The following BNC1 variants were observed in gnomAD, a reference collection of about 807,000 sequenced individuals.
The protein encoded by BNC1 is basonuclin zinc finger protein 1.
In BNC1, 8 loss-of-function variants were observed where a neutral mutation model predicts 66.5. The ratio of observed to expected loss-of-function variants is 0.12; its 90% CI spans 0.07 to 0.22. BNC1 has a LOEUF of 0.22. Ranked by LOEUF, BNC1 falls within the 10% of genes least tolerant of loss-of-function variation. The pLI, the probability that BNC1 is intolerant of heterozygous loss-of-function variation, is 1.00. For missense variants in BNC1, 1,069 were observed against 1,241.3 expected (o/e 0.86, Z 2.09); for synonymous variants, 454 against 452.6 (o/e 1.00, Z -0.04).
In BNC1 at chr15:83,281,603, C is replaced by A. The variant is rs577426146; in HGVS notation, c.99+2927G>T. On this transcript the variant is annotated intron_variant, in intron 1 of 4. Transcript: ENST00000345382. ...CTGTAAGTAATTTACCCTGTGGAAC[C>A]TTCAGGGCATCCCTTTTAATGGCCA... is the stretch of plus-strand genomic sequence containing the variant. 5.9e-5 allele frequency among the ~76,000 whole-genome samples: 9 copies of A among 152,346 alleles called. No homozygotes were observed. The East Asian group carries it at 1.7e-3, about 29-fold the overall frequency.
rs2038087569 is a variant in BNC1 at position 83,257,478 on chromosome 15, G to A, written c.2949C>T (p.His983=). Residue 983 remains histidine, a synonymous_variant, in exon 5 of 5, where the codon CAC becomes CAT. Coordinates refer to ENST00000345382, the MANE Select transcript of BNC1 (RefSeq NM_001717.4). ...RNRHSQNPNL[H]KSLASSPSHL... ...GACTTGGAGATGAGGCCAGGCTTTTGTGCAGGTTGGGATTCTGGCTGTGTC... is the reference window on the plus strand; with the variant it reads ...GACTTGGAGATGAGGCCAGGCTTTTATGCAGGTTGGGATTCTGGCTGTGTC... 1 of 1,614,026 alleles carries A rather than the reference G, an allele frequency of 6.2e-7. No individual in the cohort carries two copies. Among genetic ancestry groups the A allele is most frequent in the Non-Finnish European group, 8.5e-7 (1 of 1,180,010 alleles).
intron 1 of BNC1, among the ~76,000 whole-genome samples, chr15:83,276,491 CCA>C (rs950257009): frequency 6.6e-6 from 1 of 152,196 alleles, no homozygotes; most frequent in East Asian, 1.9e-4. Flanking sequence ...TCTTTTTCCC[CCA>C]GTTATCTTTT....
rs1230765578 is a variant in BNC1, at chr15:83,257,922, C to G, written c.2505G>C (p.Thr835=). Residue 835 remains threonine, a synonymous_variant, in exon 5 of 5, where the codon ACG becomes ACC. Coordinates refer to ENST00000345382, the MANE Select transcript of BNC1 (RefSeq NM_001717.4). ...SRMGSLVYPI[T]QVHSASLESY... ...TCTCCAGGCTGGCACTGTGGACTTG[C>G]GTTATTGGGTAAACCAGACTGCCCA... is the stretch of plus-strand genomic sequence containing the variant. 1.2e-6 allele frequency: 2 copies of G among 1,614,016 alleles called. No individual in the cohort carries two copies. Among genetic ancestry groups the G allele is most frequent in the Middle Eastern group, 1.6e-4 (1 of 6,084 alleles).
chr15:83,263,270 C>A lies in BNC1; in HGVS notation c.1981G>T (p.Gly661Trp). ...DGGHEHYFTP[G>W]MEPQVPFSDY... ...GAAAAAGGAACTTGGGGTTCCATCC[C>A]AGGTGTGAAGTAGTGTTCATGGCCA... The change falls in exon 4 of 5, where the codon GGG becomes TGG. Residue 661 changes from glycine (G) to tryptophan (W), a missense_variant. Coordinates refer to ENST00000345382, the MANE Select transcript of BNC1 (RefSeq NM_001717.4). 6.2e-7 allele frequency: 1 copy of A among 1,614,204 alleles called. No homozygotes were observed. Among genetic ancestry groups the A allele is most frequent in the Non-Finnish European group, 8.5e-7 (1 of 1,180,028 alleles).
chr15:83,270,505 G>GT (rs893342507), intron 1 of BNC1, among the ~76,000 whole-genome samples: 4 of 152,186 alleles, frequency 2.6e-5, no homozygotes, highest in African/African-American at 7.2e-5. Context: ...GTTATTGTCT[G>GT]TTTTTTTCAT....
rs1361270924 is a variant in BNC1 at position 83,263,904 on chromosome 15, G to A, written c.1347C>T (p.Asp449=). 6.2e-7 allele frequency: 1 copy of A among 1,614,104 alleles called. No homozygotes were observed. Among genetic ancestry groups the A allele is most frequent in the Admixed American group, 1.7e-5 (1 of 60,004 alleles). The change falls in exon 4 of 5, where the codon GAC becomes GAT. Residue 449 remains aspartate, a synonymous_variant. Transcript: ENST00000345382. Reference sequence around the variant, plus strand: ...CAGGGTAGCTGGGAGGAGGCCTACAGTCTGGGGACGTCACTGTGAAACCTG... The same window carrying A: ...CAGGGTAGCTGGGAGGAGGCCTACAATCTGGGGACGTCACTGTGAAACCTG... ...KCPGFTVTSP[D]CRPPPSYPGS...
intron 1 of BNC1, among the ~76,000 whole-genome samples, chr15:83,279,463 A>G (rs547854389): frequency 1.3e-5 from 2 of 152,316 alleles, no homozygotes; most frequent in South Asian, 4.1e-4. Context: ...GAGGCCAGAG[A>G]GGGCTTCCTC....
intron 4 of BNC1, among the ~76,000 whole-genome samples, chr15:83,260,199 CA>C (rs1240452383): frequency 6.6e-6 from 1 of 152,150 alleles, no homozygotes; most frequent in Non-Finnish European, 1.5e-5. Context: ...TGCAACAGAG[CA>C]TATGCAGAAG....
intron 1 of BNC1, among the ~76,000 whole-genome samples, chr15:83,277,656 T>G (rs972185270): frequency 6.6e-6 from 1 of 152,158 alleles, no homozygotes; most frequent in Non-Finnish European, 1.5e-5. Context: ...AGATAATTGT[T>G]GCTAACGTGC....
At chr15:83,267,344 G>GT (rs1344876792) in intron 2 of BNC1, among the ~76,000 whole-genome samples, 2 of 152,158 alleles carry the variant, frequency 1.3e-5, no homozygotes, top group East Asian at 1.9e-4. Context: ...AGGAAAAGGG[G>GT]TAAAAACTGA....
chr15:83,284,407 G>C, intron 1 of BNC1, 123 bp downstream of exon 1: 1 of 561,966 alleles, frequency 1.8e-6, no homozygotes, highest in South Asian at 6.9e-5. Flanking sequence ...TGCCGCGCAG[G>C]TAGCCAGCTG....
At position 83,280,405 on chromosome 15, in the gene BNC1, A is replaced by C. The variant is rs1224847304; in HGVS notation, c.99+4125T>G. On this transcript the variant is annotated intron_variant, in intron 1 of 4. Transcript: ENST00000345382. ...CAGAGCAAAACACTTACACTTTAGC[A>C]TAATTTTACCTAAGTTACATAAGCA... 5.3e-5 allele frequency among the ~76,000 whole-genome samples: 8 copies of C among 152,362 alleles called. No homozygotes were observed. The East Asian group carries it at 1.5e-3, about 29-fold the overall frequency.
intron 1 of BNC1, among the ~76,000 whole-genome samples, chr15:83,268,746 G>T (rs1265336683): frequency 6.6e-6 from 1 of 152,220 alleles, no homozygotes; most frequent in Non-Finnish European, 1.5e-5. Flanking sequence ...ACTACACTGA[G>T]GATGATTCCC....
At position 83,257,207 on chromosome 15, in the gene BNC1, C is replaced by T. The variant is rs2038083025; in HGVS notation, c.*235G>A. The T allele has an allele frequency of 1.8e-6, 1 of 566,682 alleles. No homozygotes were observed. The highest frequency in any genetic ancestry group is 1.9e-5 in the African/African-American group (1 of 52,992). 35.1% of individuals were successfully genotyped at this position (566,682 alleles called of 1,614,324 possible). A position where few individuals can be genotyped will look rare whatever the true frequency, so the allele number is the denominator to read the frequency against. On this transcript the variant is annotated 3_prime_UTR_variant, in exon 5 of 5. Transcript: ENST00000345382. ...GAAAAATCACATTTCTGCAAGTTTT[C>T]CTTGTATCAGTGAAAGACCTCTTGG...
intron 1 of BNC1, among the ~76,000 whole-genome samples, chr15:83,277,793 T>C (rs1157081835): frequency 6.6e-6 from 1 of 152,162 alleles, no homozygotes; most frequent in African/African-American, 2.4e-5. Flanking sequence ...TCTTACTCTT[T>C]CTGTGGCTGC....
chr15:83,259,600 A>G (rs1366205420), intron 4 of BNC1, among the ~76,000 whole-genome samples: 1 of 152,164 alleles, frequency 6.6e-6, no homozygotes, highest in Non-Finnish European at 1.5e-5. Flanking sequence ...AGGGGCTGGT[A>G]TGTGCCGACA....
At chr15:83,275,876 A>C (rs2038316766) in intron 1 of BNC1, among the ~76,000 whole-genome samples, 1 of 150,142 alleles carries the variant, frequency 6.7e-6, no homozygotes, top group Non-Finnish European at 1.5e-5. Context: ...GGATTTTAAC[A>C]GTAAGCCTTT....
Position 83,266,813 on chromosome 15 carries a change from G to T in BNC1, c.435+23C>A, listed in dbSNP as rs752551164. 2.5e-6 allele frequency: 4 copies of T among 1,602,408 alleles called. No individual in the cohort carries two copies. The East Asian group carries it at 6.7e-5, about 27-fold the overall frequency. ...CAAATTTCAGAAAGCACCCTAGGAG[G>T]ACAATGTTCATGTTTACTGTACCTG... On this transcript the variant is annotated intron_variant, in intron 3 of 4. Transcript: ENST00000345382.
intron 4 of BNC1, among the ~76,000 whole-genome samples, chr15:83,260,481 C>T (rs970275792): frequency 6.6e-6 from 1 of 152,084 alleles, no homozygotes; most frequent in African/African-American, 2.4e-5. Flanking sequence ...AAGACCAAAA[C>T]GTTTCAGAGT....
Sources: gnomAD v4.1 joint callset for allele counts (sites outside exome capture counted in the v4.1 genomes callset) on GRCh38, gnomAD v4.1.1 for gene constraint, MANE v1.5 for transcripts, NCBI Gene and HGNC (gene_info 2026-07-23, HGNC 2026-07-21) for gene names.